Variants in ABL1 observed in about 807,000 individuals in gnomAD.
ABL1 encodes the protein ABL proto-oncogene 1, non-receptor tyrosine kinase, also known as tyrosine-protein kinase ABL1.
Under a neutral mutation model 94.7 loss-of-function variants are expected in ABL1, and 11 were observed. That is an observed-to-expected ratio of 0.12 (90% CI 0.07 to 0.19). ABL1 has a LOEUF of 0.19. Among genes scored for constraint, ABL1 ranks in the 10% least tolerant of loss-of-function variants. ABL1 has a pLI of 1.00. For synonymous variants in ABL1, 656 were observed against 622.4 expected (o/e 1.05, Z -0.80); for missense variants, 1,082 against 1,489.4 (o/e 0.73, Z 4.50).
chr9:130,824,180 C>G (rs1052497607), intron 1 of ABL1, among the ~76,000 whole-genome samples: 1 of 152,126 alleles, frequency 6.6e-6, no homozygotes, highest in African/African-American at 2.4e-5. Context: ...ACAGTCTGCT[C>G]TCTGCCAGAT....
At chr9:130,780,147 C>T (rs531528258) in intron 1 of ABL1, among the ~76,000 whole-genome samples, 2 of 152,172 alleles carry the variant, frequency 1.3e-5, no homozygotes, top group East Asian at 1.9e-4. Context: ...ATACTCCGGG[C>T]GCAGTGGCAG....
intron 1 of ABL1, among the ~76,000 whole-genome samples, chr9:130,759,353 T>C (rs1832081529): frequency 6.6e-6 from 1 of 152,196 alleles, no homozygotes; most frequent in Non-Finnish European, 1.5e-5. Flanking sequence ...TTTGTAAAAC[T>C]TCTTGAACCA....
chr9:130,755,135 G>A (rs1409278064), intron 1 of ABL1, among the ~76,000 whole-genome samples: 1 of 152,176 alleles, frequency 6.6e-6, no homozygotes, highest in East Asian at 1.9e-4. Context: ...ATAAATAGTT[G>A]TTGAAGGAAT....
At chr9:130,849,452 TTTGGCAAGGAATTTGCA>T (rs1477772743) in intron 1 of ABL1, among the ~76,000 whole-genome samples, 2 of 152,206 alleles carry the variant, frequency 1.3e-5, no homozygotes, top group African/African-American at 2.4e-5. Context: ...TATCTGCAGA[TTTGGCAAGGAATTTGCA>T]TTTCAGTGAT....
chr9:130,841,404 G>A (rs1484945692), intron 1 of ABL1, among the ~76,000 whole-genome samples: 1 of 151,992 alleles, frequency 6.6e-6, no homozygotes, highest in African/African-American at 2.4e-5. Context: ...ACTGCACCGG[G>A]CCAAAAATCT....
chr9:130,751,503 G>C (rs1399501090), intron 1 of ABL1, among the ~76,000 whole-genome samples: 1 of 152,082 alleles, frequency 6.6e-6, no homozygotes. Context: ...AACAGTTATG[G>C]GGAGGGCTGA....
chr9:130,849,806 C>T (rs1486466378), intron 1 of ABL1, among the ~76,000 whole-genome samples: 1 of 152,140 alleles, frequency 6.6e-6, no homozygotes, highest in African/African-American at 2.4e-5. Flanking sequence ...TGTGAGCCAC[C>T]GCACCTGGCC....
chr9:130,791,748 A>G (rs1024818205), intron 1 of ABL1, among the ~76,000 whole-genome samples: 1 of 152,128 alleles, frequency 6.6e-6, no homozygotes. Flanking sequence ...TAATGGCTGC[A>G]CTGTTGGCTT....
chr9:130,751,046 G>T (rs1831958476), intron 1 of ABL1, among the ~76,000 whole-genome samples: 1 of 148,980 alleles, frequency 6.7e-6, no homozygotes, highest in African/African-American at 2.5e-5. Context: ...CTAAAAACAT[G>T]CAAGACAGTG....
chr9:130,725,611 C>T (rs1168884844), intron 1 of ABL1, among the ~76,000 whole-genome samples: 2 of 151,828 alleles, frequency 1.3e-5, no homozygotes, highest in Non-Finnish European at 2.9e-5. Flanking sequence ...AACTCCTGAC[C>T]TCAGGTGATC....
At chr9:130,826,824 A>G (rs1830431977) in intron 1 of ABL1, among the ~76,000 whole-genome samples, 1 of 152,074 alleles carries the variant, frequency 6.6e-6, no homozygotes, top group Non-Finnish European at 1.5e-5. Context: ...CACGCCTGTA[A>G]TCCCAGCACT....
At chr9:130,873,483 A>G (rs895502400) in intron 6 of ABL1, among the ~76,000 whole-genome samples, 4 of 152,180 alleles carry the variant, frequency 2.6e-5, no homozygotes, top group African/African-American at 4.8e-5. Flanking sequence ...CAACCAGTAC[A>G]TGGCTTTTGT....
At chr9:130,840,713 C>T (rs1830657689) in intron 1 of ABL1, among the ~76,000 whole-genome samples, 1 of 151,796 alleles carries the variant, frequency 6.6e-6, no homozygotes, top group South Asian at 2.1e-4. Flanking sequence ...AGAGATGGGT[C>T]TCACTATGTC....
intron 10 of ABL1, among the ~76,000 whole-genome samples, chr9:130,881,389 A>C (rs1831449961): frequency 1.3e-5 from 2 of 152,176 alleles, no homozygotes; most frequent in South Asian, 2.1e-4. Context: ...GTAATTTATA[A>C]AGGAAAGAGG....
intron 1 of ABL1, among the ~76,000 whole-genome samples, chr9:130,822,875 A>G (rs981998026): frequency 9.2e-5 from 14 of 151,460 alleles, no homozygotes; most frequent in African/African-American, 3.2e-4. Context: ...TCAGCTCACT[A>G]CAACCTCTGC....
chr9:130,867,947 T>C (rs887194439), intron 4 of ABL1, among the ~76,000 whole-genome samples: 2 of 150,992 alleles, frequency 1.3e-5, no homozygotes, highest in African/African-American at 4.9e-5. Flanking sequence ...GTTTTTTTTT[T>C]TTTGCTTTTT....
At chr9:130,821,982 G>A (rs1830369294) in intron 1 of ABL1, among the ~76,000 whole-genome samples, 1 of 151,948 alleles carries the variant, frequency 6.6e-6, no homozygotes, top group East Asian at 1.9e-4. Context: ...GGGACTACAG[G>A]CACCCACCAC....
rs1217939157 is a variant in ABL1, at chr9:130,885,975, CCCA to C, written c.*295_*297del. 2.3e-6 allele frequency: 1 copy of C among 439,824 alleles called. No homozygotes were observed. The highest frequency in any genetic ancestry group is 4.1e-6 in the Non-Finnish European group (1 of 245,046). 27.2% of individuals were successfully genotyped at this position (439,824 alleles called of 1,614,324 possible). ...CATGCCAGGACCCGCCAGCCCCGCT[CCCA>C]CCTAGTGCCCCAGACTGAGCTCTCC... is the stretch of plus-strand genomic sequence containing the variant. On this transcript the variant is annotated 3_prime_UTR_variant, in exon 11 of 11. Coordinates refer to ENST00000318560, the MANE Select transcript of ABL1 (RefSeq NM_005157.6).
chr9:130,716,492 A>T (rs1367767635), intron 1 of ABL1, among the ~76,000 whole-genome samples: 1 of 152,122 alleles, frequency 6.6e-6, no homozygotes, highest in African/African-American at 2.4e-5. Flanking sequence ...TCTGTGGGTT[A>T]AAAAGGGGGG....
Sources: allele counts gnomAD v4.1 joint callset (sites outside exome capture counted in the v4.1 genomes callset), GRCh38; gene constraint gnomAD v4.1.1; transcripts MANE v1.5; gene names NCBI Gene and HGNC (gene_info 2026-07-23, HGNC 2026-07-21).